COPZ2: variants seen among roughly 807,000 people sequenced by gnomAD.
The protein encoded by COPZ2 is coat protein complex I subunit zeta 2.
COPZ2 carries 30 observed loss-of-function variants against 33.2 expected under a neutral mutation model. That is an observed-to-expected ratio of 0.90 (90% CI 0.68 to 1.23). The LOEUF (loss-of-function observed/expected upper bound fraction) is 1.23. COPZ2 is among the 50% of genes most tolerant of loss of function. The probability of loss-of-function intolerance (pLI) is 0.00; values close to 1 mark genes in which losing one functional copy is unlikely to be tolerated. For missense variants in COPZ2, 263 were observed against 262.4 expected, an observed-to-expected ratio of 1.00 and a Z score of -0.02; for synonymous variants, 89 against 102.6, an observed-to-expected ratio of 0.87 and a Z score of 0.80.
intron 2 of COPZ2, among the ~76,000 whole-genome samples, chr17:48,035,618 T>A (rs2036968864): frequency 6.6e-6 from 1 of 152,108 alleles, no homozygotes; most frequent in Non-Finnish European, 1.5e-5. Flanking sequence ...AGAGATGGGG[T>A]GTGCCATGTT....
chr17:48,030,851 TG>T (rs1280671161), intron 6 of COPZ2, among the ~76,000 whole-genome samples: 1 of 152,230 alleles, frequency 6.6e-6, no homozygotes, highest in African/African-American at 2.4e-5. Flanking sequence ...TGTGTGTTTG[TG>T]TAAAGTTTTC....
chr17:48,037,987 T>TCCCGAGTCCCTTACATC (rs2037020366), upstream of COPZ2: 1 of 484,464 alleles, frequency 2.1e-6, no homozygotes, highest in Non-Finnish European at 2.7e-6. The surrounding 1 kb of genome is among the most constrained non-coding windows in gnomAD (Gnocchi z 5.6). Context: ...CTTGGCTCCT[T>TCCCGAGTCCCTTACATC]CCCGAGTCCC....
intron 2 of COPZ2, 46 bp from the exon 3 acceptor site, chr17:48,033,990 T>C: frequency 7.3e-7 from 1 of 1,370,816 alleles, no homozygotes; most frequent in South Asian, 1.2e-5. Context: ...CCACACAGCC[T>C]GGATCCTCCC....
At chr17:48,035,803 G>C (rs1260817248) in intron 2 of COPZ2, among the ~76,000 whole-genome samples, 2 of 150,110 alleles carry the variant, frequency 1.3e-5, no homozygotes, top group Non-Finnish European at 3.0e-5. Flanking sequence ...GCCCAGGCTG[G>C]AGTGCAATGG....
the COPZ2 span, chr17:48,046,530 C>G: frequency 6.6e-6 from 1 of 152,222 alleles, no homozygotes; most frequent in Non-Finnish European, 1.5e-5. Flanking sequence ...CCCGCCTCGG[C>G]CTCCCAAGGT....
At chr17:48,039,704 T>A (rs115048279), upstream of COPZ2, among the ~76,000 whole-genome samples, 159 of 152,314 alleles carry the variant, frequency 1.0e-3, no homozygotes, top group African/African-American at 3.8e-3. Flanking sequence ...GCCCAGACTT[T>A]GAGCCCTGCA....
At chr17:48,034,890 G>A (rs2036955116) in intron 2 of COPZ2, among the ~76,000 whole-genome samples, 4 of 152,174 alleles carry the variant, frequency 2.6e-5, no homozygotes, top group Admixed American at 2.6e-4. Context: ...GGAGGGTGAG[G>A]CAGGAGAATC....
At chr17:48,029,299 C>T (rs2036858759) in intron 6 of COPZ2, 123 bp from the exon 7 acceptor site, 1 of 853,024 alleles carries the variant, frequency 1.2e-6, no homozygotes, top group Admixed American at 2.0e-5. Flanking sequence ...CTTCCAGGTC[C>T]CTTCCCACTG....
At chr17:48,030,331 A>ACACACACAC (rs1555571321) in intron 6 of COPZ2, among the ~76,000 whole-genome samples, 44 of 111,894 alleles carry the variant, frequency 3.9e-4, no homozygotes, top group South Asian at 1.3e-3. Flanking sequence ...CACACACACA[A>ACACACACAC]AGAAACAAAC....
chr17:48,032,413 G>A (rs1346827923), intron 5 of COPZ2, among the ~76,000 whole-genome samples, 180 bp from the exon 6 acceptor site: 1 of 152,164 alleles, frequency 6.6e-6, no homozygotes, highest in African/African-American at 2.4e-5. Context: ...TCTGAGCAAA[G>A]GGCAGTTCTG....
the COPZ2 span, among the ~76,000 whole-genome samples, chr17:48,044,926 A>G: frequency 2.6e-5 from 4 of 152,122 alleles, no homozygotes; most frequent in Admixed American, 2.6e-4. Flanking sequence ...AAATACTTAT[A>G]TGGATTAGCA....
At chr17:48,040,247 A>AT (rs948447159), upstream of COPZ2, among the ~76,000 whole-genome samples, 4 of 149,882 alleles carry the variant, frequency 2.7e-5, no homozygotes, top group South Asian at 4.2e-4. Flanking sequence ...ATTTATTATT[A>AT]TTTTTTTTAA....
rs551948443 is a variant in COPZ2 at position 48,031,721 on chromosome 17, C to T, written c.494+435G>A. On this transcript the variant is annotated intron_variant, in intron 6 of 8. Transcript: ENST00000621465. ...TCCTAAAGATGGAGAAAGTAAGCCTCGGGGAGGGTCAGTAATTGACCCAGG... is the reference window on the plus strand; with the variant it reads ...TCCTAAAGATGGAGAAAGTAAGCCTTGGGGAGGGTCAGTAATTGACCCAGG... 13 of 189,166 alleles carry T rather than the reference C, an allele frequency of 6.9e-5. No individual in the cohort carries two copies. The South Asian group carries it at 1.1e-3, about 16-fold the overall frequency. The allele number at this position is 189,166 out of a possible 1,614,324, so 11.7% of individuals were successfully genotyped here.
At chr17:48,041,081 G>A (rs899160766), upstream of COPZ2, among the ~76,000 whole-genome samples, 14 of 149,460 alleles carry the variant, frequency 9.4e-5, no homozygotes, top group Admixed American at 2.7e-4. Context: ...GCACCCAGGA[G>A]GCAGAGGCTG....
At chr17:48,033,127 G>T in intron 4 of COPZ2, 84 bp downstream of exon 4, 1 of 959,830 alleles carries the variant, frequency 1.0e-6, no homozygotes, top group Admixed American at 2.0e-5. Flanking sequence ...TGAGCCTCCA[G>T]GTCCCAGCCT....
intron 2 of COPZ2, 36 bp from the exon 3 acceptor site, chr17:48,033,980 C>T (rs757653710): frequency 2.6e-5 from 38 of 1,447,656 alleles, no homozygotes; most frequent in Non-Finnish European, 3.4e-5. Flanking sequence ...CCATAGCTTT[C>T]CACACAGCCT....
At chr17:48,026,527 C>T in intron 8 of COPZ2, 52 bp from the exon 9 acceptor site, 2 of 1,336,198 alleles carry the variant, frequency 1.5e-6, no homozygotes, top group South Asian at 1.2e-5. Flanking sequence ...CAAATGCCTC[C>T]ATACACAGTC....
the COPZ2 span, chr17:48,045,976 C>T: frequency 6.6e-6 from 1 of 152,236 alleles, no homozygotes; most frequent in Non-Finnish European, 1.5e-5. Flanking sequence ...GAATGGAAGA[C>T]AGTCTTTCTG....
At chr17:48,029,643 C>T (rs918565581) in intron 6 of COPZ2, among the ~76,000 whole-genome samples, 5 of 147,704 alleles carry the variant, frequency 3.4e-5, no homozygotes, top group African/African-American at 1.2e-4. Flanking sequence ...CAAAAATCAG[C>T]ATCTACCTTC....
Sources: gnomAD v4.1 joint callset for allele counts (sites outside exome capture counted in the v4.1 genomes callset) on GRCh38, gnomAD v4.1.1 for gene constraint, Gnocchi (gnomAD v3.1) non-coding constraint, MANE v1.5 for transcripts, NCBI Gene and HGNC (gene_info 2026-07-23, HGNC 2026-07-21) for gene names.